Variants in SEMA3E observed in about 807,000 individuals in gnomAD.
SEMA3E encodes semaphorin-3E.
SEMA3E carries 49 observed loss-of-function variants against 93.6 expected under a neutral mutation model. The observed-to-expected ratio is 0.52, with a 90% confidence interval of 0.42 to 0.66. The LOEUF (loss-of-function observed/expected upper bound fraction) is 0.66, where lower values mean the gene tolerates loss of function less well. Among genes scored for constraint, SEMA3E ranks in the 30% least tolerant of loss-of-function variants. The pLI, the probability that SEMA3E is intolerant of heterozygous loss-of-function variation, is 0.00. For synonymous variants in SEMA3E, 363 were observed against 330.7 expected, an observed-to-expected ratio of 1.10 and a Z score of -1.06; for missense variants, 906 against 964.8, an observed-to-expected ratio of 0.94 and a Z score of 0.81.
intron 1 of SEMA3E, among the ~76,000 whole-genome samples, chr7:83,549,243 T>C (rs1791712156): frequency 6.6e-6 from 1 of 152,150 alleles, no homozygotes; most frequent in African/African-American, 2.4e-5. Flanking sequence ...TAACATGTTA[T>C]CTCATTTAAC....
intron 2 of SEMA3E, among the ~76,000 whole-genome samples, chr7:83,471,863 A>G (rs1188220085): frequency 6.6e-6 from 1 of 152,226 alleles, no homozygotes; most frequent in Non-Finnish European, 1.5e-5. Context: ...AAATTACAGT[A>G]TATACCTAAA....
At chr7:83,474,280 G>C (rs2115911651) in intron 2 of SEMA3E, among the ~76,000 whole-genome samples, 1 of 152,056 alleles carries the variant, frequency 6.6e-6, no homozygotes, top group East Asian at 1.9e-4. Context: ...ATTTATCAAA[G>C]TGATGATAGT....
At position 83,648,903 on chromosome 7, in the gene SEMA3E, G is replaced by GAAA. The variant is rs149993646; in HGVS notation, c.-364_-362dup. On this transcript the variant is annotated 5_prime_UTR_variant, in exon 1 of 17. Transcript: ENST00000643230. ...TTCAGAAAAAAAAAAAAAAAAGAGAGAAAAAAACAAAACCGAGCACACGCA... is the reference window on the plus strand; with the variant it reads ...TTCAGAAAAAAAAAAAAAAAAGAGAGAAAAAAAAAACAAAACCGAGCACACGCA... The GAAA allele has an allele frequency of 5.2e-5, 9 of 171,868 alleles. No individual in the cohort carries two copies. Among genetic ancestry groups the GAAA allele is most frequent in the South Asian group, 2.1e-4 (2 of 9,556 alleles). 10.6% of individuals were successfully genotyped at this position (171,868 alleles called of 1,614,324 possible).
chr7:83,458,953 ATGTGTG>A (rs1554328012), intron 4 of SEMA3E, among the ~76,000 whole-genome samples: 3 of 143,888 alleles, frequency 2.1e-5, no homozygotes, highest in African/African-American at 7.7e-5. Flanking sequence ...ACATATGTAT[ATGTGTG>A]TGTGTGTGTG....
chr7:83,475,329 G>C (rs915122485), intron 2 of SEMA3E, among the ~76,000 whole-genome samples: 1 of 152,008 alleles, frequency 6.6e-6, no homozygotes, highest in Admixed American at 6.6e-5. Flanking sequence ...TCTCCATAGC[G>C]TTTTTATACA....
chr7:83,643,918 A>T lies in SEMA3E; in HGVS notation c.115+4510T>A, dbSNP rs1794046155. Among the ~76,000 whole-genome samples the T allele has an allele frequency of 2.6e-5, 4 of 151,954 alleles. No homozygotes were observed. In the South Asian group the frequency reaches 8.3e-4, roughly 31 times the overall value. On this transcript the variant is annotated intron_variant, in intron 1 of 16. Transcript: ENST00000643230. ...AGTTTTTATTTATTAACACCCAGAGATGTGTGACTAATGTCACTATTGATA... is the reference window on the plus strand; with the variant it reads ...AGTTTTTATTTATTAACACCCAGAGTTGTGTGACTAATGTCACTATTGATA...
At chr7:83,575,267 G>T (rs1011566893) in intron 1 of SEMA3E, among the ~76,000 whole-genome samples, 7 of 151,408 alleles carry the variant, frequency 4.6e-5, no homozygotes, top group Non-Finnish European at 2.9e-5. Flanking sequence ...TCTTGAAATT[G>T]CTCTTTAGAT....
At chr7:83,452,409 T>C (rs1024703471) in intron 4 of SEMA3E, among the ~76,000 whole-genome samples, 3 of 152,150 alleles carry the variant, frequency 2.0e-5, no homozygotes, top group South Asian at 2.1e-4. Context: ...GTTCAACATA[T>C]GCCTCTCCCG....
intron 1 of SEMA3E, among the ~76,000 whole-genome samples, chr7:83,585,884 C>T (rs1396335776): frequency 6.6e-6 from 1 of 152,144 alleles, no homozygotes; most frequent in Non-Finnish European, 1.5e-5. Context: ...TTAGTGCCCT[C>T]ATTTGTAGTG....
chr7:83,482,522 A>G (rs955957618), intron 2 of SEMA3E, among the ~76,000 whole-genome samples: 5 of 133,274 alleles, frequency 3.8e-5, no homozygotes, highest in Non-Finnish European at 7.7e-5. Context: ...CCGAGATTGC[A>G]CCACTGCACT....
At chr7:83,589,030 T>C (rs1792696805) in intron 1 of SEMA3E, among the ~76,000 whole-genome samples, 1 of 152,190 alleles carries the variant, frequency 6.6e-6, no homozygotes. Flanking sequence ...GCGCAGGAAT[T>C]GGAAAGGAGA....
At chr7:83,456,422 C>A (rs1789478034) in intron 4 of SEMA3E, among the ~76,000 whole-genome samples, 1 of 151,900 alleles carries the variant, frequency 6.6e-6, no homozygotes, top group African/African-American at 2.4e-5. Context: ...TCCATGAAAT[C>A]CCCCCATAAA....
At chr7:83,372,528 T>C (rs1584198368) in intron 16 of SEMA3E, 3 of 348,724 alleles carry the variant, frequency 8.6e-6, no homozygotes, top group East Asian at 8.3e-5. Context: ...TTTTTTCAAG[T>C]TTGGTAAGTT....
intron 7 of SEMA3E, 109 bp from the exon 8 acceptor site, chr7:83,406,168 C>A: frequency 1.2e-6 from 1 of 816,220 alleles, no homozygotes. Flanking sequence ...TTTTATTTAA[C>A]TAGGAAAATT....
At chr7:83,564,659 C>T (rs972839549) in intron 1 of SEMA3E, among the ~76,000 whole-genome samples, 1 of 152,142 alleles carries the variant, frequency 6.6e-6, no homozygotes, top group Non-Finnish European at 1.5e-5. Flanking sequence ...CTGTCAGATA[C>T]ATGGGAGTAG....
Position 83,366,852 on chromosome 7 carries a change from A to G in SEMA3E, c.*734T>C, listed in dbSNP as rs1794676956. ...GCAAAAATCTTTTACAGTAGTTAGAATCCTAACTATAACTTCATCTGATTT... is the reference window on the plus strand; with the variant it reads ...GCAAAAATCTTTTACAGTAGTTAGAGTCCTAACTATAACTTCATCTGATTT... On this transcript the variant is annotated 3_prime_UTR_variant, in exon 17 of 17. Coordinates refer to ENST00000643230, the MANE Select transcript of SEMA3E (RefSeq NM_012431.3). 6.6e-6 allele frequency: 1 copy of G among 152,186 alleles called. No homozygotes were observed. Among genetic ancestry groups the G allele is most frequent in the Admixed American group, 6.5e-5 (1 of 15,290 alleles). The allele number at this position is 152,186 out of a possible 1,614,324, so 9.4% of individuals were successfully genotyped here.
At chr7:83,433,241 AAAAG>A (rs1285391543) in intron 4 of SEMA3E, among the ~76,000 whole-genome samples, 3 of 152,152 alleles carry the variant, frequency 2.0e-5, no homozygotes, top group Non-Finnish European at 4.4e-5. Context: ...TCATTTTTGG[AAAAG>A]AAAGAACGTT....
At chr7:83,561,228 G>T (rs376259751) in intron 1 of SEMA3E, among the ~76,000 whole-genome samples, 1 of 151,956 alleles carries the variant, frequency 6.6e-6, no homozygotes, top group Non-Finnish European at 1.5e-5. Flanking sequence ...ATATGAAAAC[G>T]CACCTTGATC....
At chr7:83,477,330 C>T (rs1489571064) in intron 2 of SEMA3E, among the ~76,000 whole-genome samples, 2 of 151,894 alleles carry the variant, frequency 1.3e-5, no homozygotes, top group South Asian at 2.1e-4. Context: ...GGTTTTCTTT[C>T]TGTATTTACA....
Sources: gnomAD v4.1 joint callset for allele counts (sites outside exome capture counted in the v4.1 genomes callset) on GRCh38, gnomAD v4.1.1 for gene constraint, MANE v1.5 for transcripts, NCBI Gene and HGNC (gene_info 2026-07-23, HGNC 2026-07-21) for gene names.